RADX: variants seen among roughly 807,000 people sequenced by gnomAD.
RADX encodes RPA-related protein RADX.
In RADX, 36 loss-of-function variants were observed where a neutral mutation model predicts 61.6. The ratio of observed to expected loss-of-function variants is 0.58; its 90% CI spans 0.45 to 0.77. The LOEUF is 0.77. Among genes scored for constraint, RADX ranks in the 30% least tolerant of loss-of-function variants. The probability of loss-of-function intolerance (pLI) is 0.00; values close to 1 mark genes in which losing one functional copy is unlikely to be tolerated. For synonymous variants in RADX, 272 were observed against 237.9 expected, an observed-to-expected ratio of 1.14 and a Z score of -1.32; for missense variants, 497 against 651.1, an observed-to-expected ratio of 0.76 and a Z score of 2.58.
chrX:106,644,895 C>T (rs751594163), intron 10 of RADX, among the ~76,000 whole-genome samples: 56 of 110,834 alleles, frequency 5.1e-4, no homozygotes, highest in Non-Finnish European at 8.9e-4. Flanking sequence ...GCCATTGGAT[C>T]CCAGGCTTTT....
intron 11 of RADX, among the ~76,000 whole-genome samples, chrX:106,657,627 T>C (rs1053244682): frequency 1.8e-5 from 2 of 111,774 alleles, no homozygotes; most frequent in Admixed American, 9.6e-5. Flanking sequence ...CATTATAAGG[T>C]TATTCATTGG....
At position 106,633,663 on chromosome X, in the gene RADX, G is replaced by A. The variant is rs774359593; in HGVS notation, c.1303+411G>A. ...AATTGGTAGAAGATTGGTGGACTAT[G>A]TAATTACATAATAACAATGGTAAGT... On this transcript the variant is annotated intron_variant, in intron 6 of 13. Coordinates refer to ENST00000372548, the MANE Select transcript of RADX (RefSeq NM_018015.6). 2.7e-5 allele frequency among the ~76,000 whole-genome samples: 3 copies of A among 112,116 alleles called. No homozygotes were observed. The East Asian group carries it at 8.4e-4, about 32-fold the overall frequency.
chrX:106,654,757 T>C (rs1416761407), intron 11 of RADX, among the ~76,000 whole-genome samples: 2 of 111,439 alleles, frequency 1.8e-5, no homozygotes, highest in Non-Finnish European at 3.8e-5. Flanking sequence ...ACAAATGGGA[T>C]CTAATTAAAC....
intron 10 of RADX, among the ~76,000 whole-genome samples, chrX:106,647,878 T>C (rs1477388656): frequency 2.7e-5 from 3 of 111,156 alleles, no homozygotes; most frequent in Admixed American, 9.6e-5. Context: ...TTAGCTTTTT[T>C]CCTTTACAGT....
At chrX:106,614,182 G>C (rs908153158) in intron 1 of RADX, among the ~76,000 whole-genome samples, 6 of 111,481 alleles carry the variant, frequency 5.4e-5, no homozygotes, top group Admixed American at 9.5e-5. Context: ...ATATTAGGGA[G>C]AAGTGAAAGA....
At chrX:106,616,373 C>T (rs192483987) in intron 1 of RADX, among the ~76,000 whole-genome samples, 304 of 111,694 alleles carry the variant, frequency 2.7e-3, no homozygotes, top group African/African-American at 9.5e-3. Flanking sequence ...CTTGGTTTTA[C>T]TAATAACAAA....
chrX:106,617,550 A>G (rs1287556369), intron 1 of RADX, among the ~76,000 whole-genome samples: 1 of 111,748 alleles, frequency 8.9e-6, no homozygotes, highest in Non-Finnish European at 1.9e-5. Context: ...AGATGTTACT[A>G]TAACGTGTGC....
At chrX:106,643,232 G>T (rs937796719) in intron 10 of RADX, among the ~76,000 whole-genome samples, 1 of 110,935 alleles carries the variant, frequency 9.0e-6, no homozygotes, top group Non-Finnish European at 1.9e-5. Flanking sequence ...GTTATTAATC[G>T]CTTGTCAGAT....
At chrX:106,646,569 A>C (rs1319173267) in intron 10 of RADX, among the ~76,000 whole-genome samples, 1 of 111,404 alleles carries the variant, frequency 9.0e-6, no homozygotes, top group African/African-American at 3.3e-5. Context: ...CTGTAATAGC[A>C]TATACAAGGG....
chrX:106,651,135 A>G (rs1239833211), intron 11 of RADX, among the ~76,000 whole-genome samples: 1 of 111,486 alleles, frequency 9.0e-6, no homozygotes, highest in Non-Finnish European at 1.9e-5. Flanking sequence ...AACTGTATCT[A>G]GACATATGAT....
intron 9 of RADX, 98 bp from the exon 10 acceptor site, chrX:106,640,454 G>A: frequency 1.8e-6 from 1 of 569,143 alleles, no homozygotes; most frequent in Non-Finnish European, 2.7e-6. Context: ...TGCCAGAACT[G>A]TTGATTATGA....
At chrX:106,620,922 G>T (rs1241381820) in intron 1 of RADX, among the ~76,000 whole-genome samples, 1 of 111,834 alleles carries the variant, frequency 8.9e-6, no homozygotes, top group African/African-American at 3.2e-5. Context: ...CATGAAGTTT[G>T]TGAGTTAAAA....
intron 12 of RADX, 107 bp from the exon 13 acceptor site, chrX:106,669,056 A>T: frequency 1.7e-6 from 1 of 593,664 alleles, no homozygotes; most frequent in Non-Finnish European, 2.8e-6. Flanking sequence ...AGGTTTTTTC[A>T]GATCTAAAGC....
At chrX:106,652,695 GCACACACACA>G (rs112557092) in intron 11 of RADX, among the ~76,000 whole-genome samples, 16 of 97,011 alleles carry the variant, frequency 1.6e-4, no homozygotes, top group African/African-American at 5.6e-4. Context: ...ATCATTAAAT[GCACACACACA>G]CACACACACA....
Position 106,636,310 on chromosome X carries a change from T to C in RADX, c.1304-233T>C, listed in dbSNP as rs920966313. On this transcript the variant is annotated intron_variant, in intron 6 of 13. Transcript: ENST00000372548. ...AAAGCAGAGTAGTGTTAAACCCTTA[T>C]TGTTCCTAGTGTGGTCCCAGGACTG... Among the ~76,000 whole-genome samples the C allele has an allele frequency of 4.4e-4, 49 of 111,748 alleles. 1 individual carries two copies. Among genetic ancestry groups the C allele is most frequent in the Non-Finnish European group, 4.7e-4 (25 of 53,171 alleles).
rs142375060 is a variant in RADX, at chrX:106,669,246, C to T, written c.2353C>T (p.Leu785=). ...TATTCGAACATCTCAAATAGACACA[C>T]TGTTGACCTCCATGAATTACAGCTG... ...EDIRTSQIDT[L]LTSMNYSCAY... is the part of the protein sequence containing the mutation. The change falls in exon 13 of 14, where the codon CTG becomes TTG. Residue 785 remains leucine (L), a synonymous_variant. Transcript: ENST00000372548. 619 of 1,195,228 alleles carry T rather than the reference C, an allele frequency of 5.2e-4. No individual in the cohort carries two copies. The highest frequency in any genetic ancestry group is 6.5e-4 in the Non-Finnish European group (574 of 882,030).
rs778981112 is a variant in RADX, at chrX:106,631,415, G to C, written c.980-1210G>C. Among the ~76,000 whole-genome samples, 5 of 110,909 alleles carry C rather than the reference G, an allele frequency of 4.5e-5. No individual in the cohort carries two copies. In the South Asian group the frequency reaches 1.9e-3, roughly 43 times the overall value. On this transcript the variant is annotated intron_variant, in intron 3 of 13. Transcript: ENST00000372548. The stretch of plus-strand genomic sequence containing the variant: ...TGTCATATCACTAGATTGGCCAAAA[G>C]TACCAAATTTGACCATGTGCAGTGG...
chrX:106,673,593 G>C (rs1928421094), intron 13 of RADX, among the ~76,000 whole-genome samples: 2 of 108,313 alleles, frequency 1.8e-5, no homozygotes, highest in Non-Finnish European at 3.8e-5. Context: ...GCCATGGGCT[G>C]TGCAGCCTGG....
Position 106,640,648 on chromosome X carries a change from T to A in RADX, c.1831T>A (p.Tyr611Asn). 1 of 1,196,600 alleles carries A rather than the reference T, an allele frequency of 8.4e-7. No homozygotes were observed. The highest frequency in any genetic ancestry group is 1.1e-6 in the Non-Finnish European group (1 of 883,212). ...AGATGATGAGCCTGTGAATTCTCAG[T>A]ATTTCCAAACTACATCTACAAATTT... ...HQDDEPVNSQ[Y>N]FQTTSTNLSL... is the part of the protein sequence containing the mutation. Residue 611 changes from tyrosine to asparagine, a missense_variant, in exon 10 of 14, where the codon TAT becomes AAT. Tyr to Asn is a moderately radical substitution (Grantham distance 143). This residue lies in a region of RADX where 267 missense variants were observed against 306.9 expected (regional missense o/e 0.87). Coordinates refer to ENST00000372548, the MANE Select transcript of RADX (RefSeq NM_018015.6).
Sources: allele counts gnomAD v4.1 joint callset (sites outside exome capture counted in the v4.1 genomes callset), GRCh38; gene constraint gnomAD v4.1.1; regional missense constraint gnomAD v4.1.1; transcripts MANE v1.5; gene names NCBI Gene and HGNC (gene_info 2026-07-23, HGNC 2026-07-21).